NFKB1: variants seen among roughly 807,000 people sequenced by gnomAD.
NFKB1 encodes the protein nuclear factor NF-kappa-B p105 subunit.
In NFKB1, 9 loss-of-function variants were observed where a neutral mutation model predicts 105.1. The observed-to-expected ratio is 0.09, with a 90% confidence interval of 0.05 to 0.15. The LOEUF (loss-of-function observed/expected upper bound fraction) is 0.15, where lower values mean the gene tolerates loss of function less well. Ranked by LOEUF, NFKB1 falls within the 10% of genes least tolerant of loss-of-function variation. NFKB1 has a pLI of 1.00. For missense variants in NFKB1, 830 were observed against 1,203.7 expected (o/e 0.69, Z 4.59); for synonymous variants, 440 against 442.2 (o/e 1.00, Z 0.06).
At chr4:102,514,956 A>G (rs1487574101) in intron 1 of NFKB1, among the ~76,000 whole-genome samples, 2 of 152,060 alleles carry the variant, frequency 1.3e-5, no homozygotes, top group Non-Finnish European at 2.9e-5. Context: ...CCAGTGTACC[A>G]TCTTCATACA....
intron 1 of NFKB1, 117 bp from the exon 2 acceptor site, chr4:102,525,395 A>G: frequency 1.1e-6 from 1 of 875,772 alleles, no homozygotes; most frequent in East Asian, 2.7e-5. Context: ...TCAAAAAAGG[A>G]TTATATTTGG....
At chr4:102,535,831 CT>C (rs1741599879) in intron 4 of NFKB1, among the ~76,000 whole-genome samples, 1 of 151,684 alleles carries the variant, frequency 6.6e-6, no homozygotes, top group Non-Finnish European at 1.5e-5. Flanking sequence ...ATTTTTCCAA[CT>C]GTCCCAAAGG....
chr4:102,559,412 C>T (rs1400161622), intron 5 of NFKB1, among the ~76,000 whole-genome samples: 2 of 151,734 alleles, frequency 1.3e-5, no homozygotes, highest in African/African-American at 4.8e-5. Flanking sequence ...CATGACATGG[C>T]TTGAACAGGA....
intron 6 of NFKB1, among the ~76,000 whole-genome samples, chr4:102,572,062 T>A (rs1724414410): frequency 6.6e-6 from 1 of 152,168 alleles, no homozygotes; most frequent in African/African-American, 2.4e-5. Flanking sequence ...TTATTCACAA[T>A]AGCAAAGACT....
At chr4:102,538,671 A>G (rs2149128713) in intron 5 of NFKB1, among the ~76,000 whole-genome samples, 1 of 152,310 alleles carries the variant, frequency 6.6e-6, no homozygotes, top group East Asian at 1.9e-4. Context: ...AGTTAATATG[A>G]GACTTTTAAT....
In NFKB1 at chr4:102,563,839, T is replaced by TA. The variant is rs1553932600; in HGVS notation, c.259-3145dup. ...TAACTCTTTTTTTTTTTTTTTTTTT[T>TA]AAACGGAGTCTTGCTCTGTCACCCA... On this transcript the variant is annotated intron_variant, in intron 5 of 23. Transcript: ENST00000226574. 8.7e-5 allele frequency among the ~76,000 whole-genome samples: 13 copies of TA among 148,776 alleles called. No homozygotes were observed. In the East Asian group the frequency reaches 2.3e-3, roughly 27 times the overall value.
intron 5 of NFKB1, among the ~76,000 whole-genome samples, chr4:102,544,376 G>C (rs1036755268): frequency 6.6e-6 from 1 of 152,052 alleles, no homozygotes; most frequent in Non-Finnish European, 1.5e-5. Context: ...TTTTCCAGTA[G>C]GTGGAAAAAA....
intron 5 of NFKB1, among the ~76,000 whole-genome samples, chr4:102,543,243 A>C (rs927997047): frequency 1.3e-5 from 2 of 152,152 alleles, no homozygotes; most frequent in African/African-American, 4.8e-5. Flanking sequence ...ATGGGACTTC[A>C]GAAACTCTCA....
At chr4:102,519,498 T>G (rs1740429862) in intron 1 of NFKB1, among the ~76,000 whole-genome samples, 1 of 151,532 alleles carries the variant, frequency 6.6e-6, no homozygotes, top group Non-Finnish European at 1.5e-5. Context: ...AAGAAAATTT[T>G]TTTTTAAAAA....
chr4:102,535,251 A>G (rs1741560413), intron 4 of NFKB1, among the ~76,000 whole-genome samples: 1 of 152,152 alleles, frequency 6.6e-6, no homozygotes, highest in African/African-American at 2.4e-5. Context: ...ATCAACTGAA[A>G]TTTGTCTGCA....
At chr4:102,541,382 T>A (rs1741989012) in intron 5 of NFKB1, among the ~76,000 whole-genome samples, 1 of 152,200 alleles carries the variant, frequency 6.6e-6, no homozygotes, top group Non-Finnish European at 1.5e-5. Flanking sequence ...AGTAGATATT[T>A]CTTATTTTCA....
intron 5 of NFKB1, among the ~76,000 whole-genome samples, 180 bp from the exon 6 acceptor site, chr4:102,566,807 A>G (rs937093290): frequency 6.6e-6 from 1 of 152,098 alleles, no homozygotes; most frequent in Admixed American, 6.6e-5. Context: ...TAACATTTTC[A>G]TTTACTTCCA....
At chr4:102,521,838 A>C (rs17032720) in intron 1 of NFKB1, among the ~76,000 whole-genome samples, 3,571 of 152,334 alleles carry the variant, frequency 0.023, 146 homozygotes, top group African/African-American at 0.076. Context: ...TCACATGTTC[A>C]GAACTAAGCT....
chr4:102,529,097 A>C (rs1037794334), intron 2 of NFKB1, among the ~76,000 whole-genome samples: 10 of 152,094 alleles, frequency 6.6e-5, no homozygotes, highest in Admixed American at 1.3e-4. Context: ...TCTTCATCTT[A>C]TTATCATTAC....
chr4:102,606,741 C>T lies in NFKB1; in HGVS notation c.1954+44C>T, dbSNP rs1237832188. ...TCATTGGTGTAACTTTCTCCACCTT[C>T]TAAATATCTACTAGGTATTTGATAA... is the stretch of plus-strand genomic sequence containing the variant. On this transcript the variant is annotated intron_variant, in intron 17 of 23. Transcript: ENST00000226574. The T allele has an allele frequency of 4.5e-6, 7 of 1,560,224 alleles. No individual in the cohort carries two copies. In the African/African-American group the frequency reaches 6.8e-5, roughly 15 times the overall value.
chr4:102,559,495 A>G (rs1723230872), intron 5 of NFKB1, among the ~76,000 whole-genome samples: 1 of 152,128 alleles, frequency 6.6e-6, no homozygotes, highest in South Asian at 2.1e-4. Flanking sequence ...TAGGAGACAG[A>G]TGATGGTGGC....
intron 1 of NFKB1, among the ~76,000 whole-genome samples, chr4:102,504,966 T>C (rs530000042): frequency 1.3e-5 from 2 of 152,330 alleles, no homozygotes; most frequent in South Asian, 4.1e-4. Flanking sequence ...CTTTTATCTT[T>C]GTAGTATTTC....
chr4:102,609,338 G>A (rs1007159712), intron 19 of NFKB1, among the ~76,000 whole-genome samples: 2 of 152,006 alleles, frequency 1.3e-5, no homozygotes, highest in African/African-American at 4.8e-5. Context: ...AAGTCCGAGT[G>A]TGGTGGCTCA....
At chr4:102,511,495 C>T (rs1023276998) in intron 1 of NFKB1, among the ~76,000 whole-genome samples, 9 of 151,894 alleles carry the variant, frequency 5.9e-5, no homozygotes, top group Non-Finnish European at 1.3e-4. Flanking sequence ...GACAAAATAG[C>T]GAGACCCCAG....
Sources: gnomAD v4.1 joint callset for allele counts (sites outside exome capture counted in the v4.1 genomes callset) on GRCh38, gnomAD v4.1.1 for gene constraint, MANE v1.5 for transcripts, NCBI Gene and HGNC (gene_info 2026-07-23, HGNC 2026-07-21) for gene names.